Variants in CPAMD8 observed in about 807,000 individuals in gnomAD.
CPAMD8 encodes C3 and PZP like alpha-2-macroglobulin domain containing 8.
In CPAMD8, 146 loss-of-function variants were observed where a neutral mutation model predicts 224.7. The observed-to-expected ratio is 0.65, with a 90% CI of 0.57 to 0.75. The LOEUF (loss-of-function observed/expected upper bound fraction) is 0.75, where lower values mean the gene tolerates loss of function less well. Ranked by LOEUF, CPAMD8 falls within the 30% of genes least tolerant of loss-of-function variation. The probability of loss-of-function intolerance (pLI) is 0.00; values close to 1 mark genes in which losing one functional copy is unlikely to be tolerated. For synonymous variants in CPAMD8, 966 were observed against 1,044.6 expected, an observed-to-expected ratio of 0.92 and a Z score of 1.45; for missense variants, 2,301 against 2,537.5, an observed-to-expected ratio of 0.91 and a Z score of 2.00.
chr19:17,002,700 C>T (rs2056367327), intron 8 of CPAMD8, among the ~76,000 whole-genome samples: 1 of 151,972 alleles, frequency 6.6e-6, no homozygotes. Context: ...CCCTGGGAGC[C>T]AACAAGGGGC....
chr19:16,918,269 C>T (rs932227432), intron 27 of CPAMD8, among the ~76,000 whole-genome samples: 19 of 151,982 alleles, frequency 1.3e-4, no homozygotes, highest in Non-Finnish European at 2.6e-4. Flanking sequence ...TGCTGGGATT[C>T]CAAGCGTGAG....
intron 2 of CPAMD8, among the ~76,000 whole-genome samples, chr19:17,021,072 G>T (rs1295903853): frequency 2.0e-5 from 3 of 152,162 alleles, no homozygotes; most frequent in African/African-American, 4.8e-5. Context: ...TGGTCATAGT[G>T]ATTGGCTCAG....
At chr19:16,982,374 AGAGT>A (rs1403959984) in intron 13 of CPAMD8, among the ~76,000 whole-genome samples, 2 of 152,098 alleles carry the variant, frequency 1.3e-5, no homozygotes, top group Non-Finnish European at 2.9e-5. Context: ...CCTGGGCAAC[AGAGT>A]GAGACCCTGT....
intron 7 of CPAMD8, among the ~76,000 whole-genome samples, chr19:17,006,834 C>T (rs1470259939): frequency 1.3e-5 from 2 of 152,204 alleles, no homozygotes; most frequent in African/African-American, 4.8e-5. Context: ...TTTGCCATCT[C>T]TGAGTTTTGA....
chr19:17,018,104 A>G (rs557145115), intron 3 of CPAMD8, among the ~76,000 whole-genome samples: 1 of 152,216 alleles, frequency 6.6e-6, no homozygotes, highest in South Asian at 2.1e-4. Flanking sequence ...TACCTCATAC[A>G]AAAGGAACTA....
At position 16,945,634 on chromosome 19, in the gene CPAMD8, C is replaced by T. The variant is rs755112150; in HGVS notation, c.2708G>A (p.Arg903Lys). 2 of 1,614,138 alleles carry T rather than the reference C, an allele frequency of 1.2e-6. No individual in the cohort carries two copies. Among genetic ancestry groups the T allele is most frequent in the South Asian group, 1.1e-5 (1 of 91,082 alleles). ...YGDTNCCRDG[R>K]SSKHPEENHA... The stretch of plus-strand genomic sequence containing the variant: ...ATTCTCCTCAGGGTGTTTGCTGGAC[C>T]TCCCATCCCGGCAGCAATTTGTGTC... Residue 903 changes from arginine to lysine, a missense_variant, in exon 22 of 42, where the codon AGG becomes AAG. Physicochemically the swap from Arg to Lys is conservative, Grantham distance 26. Around this residue, in one of 4 missense-constraint regions of CPAMD8, gnomAD observed 1,709 missense variants for 1,753.2 expected, o/e 0.97. Coordinates refer to ENST00000443236, the MANE Select transcript of CPAMD8 (RefSeq NM_015692.5).
At chr19:17,001,587 C>T (rs902692130) in intron 9 of CPAMD8, among the ~76,000 whole-genome samples, 2 of 151,822 alleles carry the variant, frequency 1.3e-5, no homozygotes, top group African/African-American at 4.8e-5. Flanking sequence ...TTTGGAGAGA[C>T]AGGGGCGTGC....
chr19:17,014,434 T>C (rs2056757632), intron 3 of CPAMD8, among the ~76,000 whole-genome samples: 2 of 152,150 alleles, frequency 1.3e-5, no homozygotes, highest in African/African-American at 4.8e-5. Flanking sequence ...GCTCCTTTCA[T>C]GCTTAAAACA....
chr19:17,021,548 C>T (rs189057066), intron 2 of CPAMD8, among the ~76,000 whole-genome samples: 1 of 152,284 alleles, frequency 6.6e-6, no homozygotes, highest in East Asian at 1.9e-4. Flanking sequence ...ACTATCTTGA[C>T]CAGGAGGCTG....
chr19:16,964,172 C>G (rs1332837434), intron 18 of CPAMD8, among the ~76,000 whole-genome samples: 1 of 151,898 alleles, frequency 6.6e-6, no homozygotes, highest in Non-Finnish European at 1.5e-5. Context: ...TAGCAGAAGG[C>G]AAGAAATAAC....
At chr19:16,957,965 C>T in intron 18 of CPAMD8, 50 bp from the exon 19 acceptor site, 1 of 1,522,300 alleles carries the variant, frequency 6.6e-7, no homozygotes. Context: ...CATAACAAAT[C>T]TTATGTGAAC....
intron 18 of CPAMD8, among the ~76,000 whole-genome samples, chr19:16,960,855 T>C (rs11882470): frequency 0.29 from 44,321 of 151,134 alleles, 7,489 homozygotes; most frequent in African/African-American, 0.46. Context: ...ATCCCATCAC[T>C]GCACTCCAGC....
chr19:16,906,383 T>TTCC (rs1568459516), intron 30 of CPAMD8, among the ~76,000 whole-genome samples: 4 of 76,694 alleles, frequency 5.2e-5, no homozygotes, highest in Admixed American at 1.6e-4. Context: ...TCTTTCTTTC[T>TTCC]TTCTTTCTTT....
chr19:16,994,515 CTTTTTTT>C (rs71180347), intron 11 of CPAMD8, among the ~76,000 whole-genome samples: 1 of 105,300 alleles, frequency 9.5e-6, no homozygotes, highest in Admixed American at 1.1e-4. Flanking sequence ...TAACCACTCC[CTTTTTTT>C]TTTTTTTTTT....
At chr19:16,992,817 G>A (rs969672016) in intron 12 of CPAMD8, among the ~76,000 whole-genome samples, 5 of 151,946 alleles carry the variant, frequency 3.3e-5, no homozygotes, top group African/African-American at 1.2e-4. Context: ...TGTAATCTCA[G>A]GTACTTGGGA....
At chr19:16,916,694 G>A (rs1010703672) in intron 27 of CPAMD8, among the ~76,000 whole-genome samples, 12 of 151,906 alleles carry the variant, frequency 7.9e-5, no homozygotes, top group East Asian at 2.0e-4. Context: ...ACCTGAGATC[G>A]CACCACTGCA....
chr19:16,969,890 C>A (rs112129978), intron 18 of CPAMD8, among the ~76,000 whole-genome samples: 18,145 of 118,142 alleles, frequency 0.15, 2,316 homozygotes, highest in African/African-American at 0.35. Context: ...AAAAAAAAAA[C>A]AAAAACAACG....
intron 25 of CPAMD8, among the ~76,000 whole-genome samples, chr19:16,926,304 C>T (rs950761389): frequency 2.7e-5 from 4 of 150,448 alleles, no homozygotes; most frequent in Admixed American, 6.6e-5. Flanking sequence ...TTCTTTCCTT[C>T]TTTATTTTAT....
At chr19:16,909,184 T>C (rs571178948) in intron 29 of CPAMD8, among the ~76,000 whole-genome samples, 3 of 152,292 alleles carry the variant, frequency 2.0e-5, no homozygotes, top group South Asian at 2.1e-4. Context: ...GCAGATGTAA[T>C]TAAGAGTCTT....
Sources: gnomAD v4.1 joint callset for allele counts (sites outside exome capture counted in the v4.1 genomes callset) on GRCh38, gnomAD v4.1.1 for gene constraint, gnomAD v4.1.1 regional missense constraint, MANE v1.5 for transcripts, NCBI Gene and HGNC (gene_info 2026-07-23, HGNC 2026-07-21) for gene names.